BIK: variants seen among roughly 807,000 people sequenced by gnomAD.
BIK encodes bcl-2-interacting killer.
A neutral mutation model predicts 12.1 loss-of-function variants in BIK; 14 were observed. The observed-to-expected ratio is 1.16, with a 90% confidence interval of 0.77 to 1.81. The LOEUF (loss-of-function observed/expected upper bound fraction) is 1.81. Among genes scored for constraint, BIK ranks in the 40% most tolerant of loss-of-function variants. BIK has a pLI of 0.00. For missense variants in BIK, 215 were observed against 207.9 expected, an observed-to-expected ratio of 1.03 and a Z score of -0.21; for synonymous variants, 86 against 92.3, an observed-to-expected ratio of 0.93 and a Z score of 0.39.
intron 1 of BIK, among the ~76,000 whole-genome samples, chr22:43,114,160 A>G (rs1029921233): frequency 6.6e-6 from 1 of 152,200 alleles, no homozygotes; most frequent in Non-Finnish European, 1.5e-5. Flanking sequence ...CAGGCACTGC[A>G]TGGTAAACCT....
At chr22:43,112,308 C>T (rs55770470) in intron 1 of BIK, among the ~76,000 whole-genome samples, 4,871 of 152,202 alleles carry the variant, frequency 0.032, 118 homozygotes, top group Non-Finnish European at 0.047. Flanking sequence ...AAACGGTTCT[C>T]CTGCCTCAGC....
chr22:43,129,249 C>G lies in BIK; in HGVS notation c.427C>G (p.Leu143Val), dbSNP rs770618715. The stretch of plus-strand genomic sequence containing the variant: ...ACAGGTGCTGCTGGCGCTGCTGCTG[C>G]TGCTGGCGCTGCTGCTGCCGCTGCT... The part of the protein sequence containing the change: ...CEQVLLALLL[L>V]LALLLPLLSG... The change falls in exon 5 of 5, where the codon CTG (leucine) becomes GTG (valine). Residue 143 changes from leucine to valine, a missense_variant. By Grantham distance (32) the Leu-to-Val change is conservative (BLOSUM62 1). Transcript: ENST00000216115. The G allele has an allele frequency of 2.5e-6, 4 of 1,599,014 alleles. No homozygotes were observed. In the Admixed American group the frequency reaches 6.7e-5, roughly 27 times the overall value.
In BIK at chr22:43,129,622, C is replaced by T. The variant is rs540470135; in HGVS notation, c.*317C>T. On this transcript the variant is annotated 3_prime_UTR_variant, in exon 5 of 5. Transcript: ENST00000216115. Reference sequence around the variant, plus strand: ...GGTAGCAGGGGGAGTGCTGGTCACACCCCTGTGTGATATGTGATGCCCTCG... The same window carrying T: ...GGTAGCAGGGGGAGTGCTGGTCACATCCCTGTGTGATATGTGATGCCCTCG... 9.6e-6 allele frequency: 4 copies of T among 417,982 alleles called. No homozygotes were observed. Among genetic ancestry groups the T allele is most frequent in the Non-Finnish European group, 1.7e-5 (4 of 234,244 alleles). 25.9% of individuals were successfully genotyped at this position (417,982 alleles called of 1,614,324 possible).
chr22:43,119,034 G>A (rs1930170921), intron 1 of BIK, among the ~76,000 whole-genome samples: 1 of 151,876 alleles, frequency 6.6e-6, no homozygotes, highest in Non-Finnish European at 1.5e-5. Context: ...AATGTAGGCT[G>A]CTCTGTCCAG....
At chr22:43,127,360 C>T (rs573008528) in intron 2 of BIK, among the ~76,000 whole-genome samples, 1 of 152,224 alleles carries the variant, frequency 6.6e-6, no homozygotes, top group East Asian at 1.9e-4. Flanking sequence ...CCTTGGTCAG[C>T]CTCAGCCATC....
chr22:43,126,054 A>C (rs577968991), intron 2 of BIK, among the ~76,000 whole-genome samples: 63 of 148,880 alleles, frequency 4.2e-4, no homozygotes, highest in Admixed American at 1.8e-3. Flanking sequence ...TTTGAGACAG[A>C]GTCTCTGTCA....
intron 1 of BIK, among the ~76,000 whole-genome samples, chr22:43,116,414 C>G (rs765244497): frequency 3.9e-5 from 6 of 151,928 alleles, no homozygotes; most frequent in Non-Finnish European, 7.4e-5. Context: ...GTGCTGGGAG[C>G]CTCCAAAAGG....
Position 43,128,549 on chromosome 22 carries a change from G to A in BIK, c.314G>A (p.Arg105Lys), listed in dbSNP as rs779680873. 1.2e-6 allele frequency: 2 copies of A among 1,613,884 alleles called. No homozygotes were observed. Among genetic ancestry groups the A allele is most frequent in the Non-Finnish European group, 1.7e-6 (2 of 1,179,870 alleles). ...ACTGAGGACATCAGGGATGTTCTTA[G>A]AAGTTTCATGGACGGTTTCACCACA... ...DQTEDIRDVL[R>K]SFMDGFTTLK... Residue 105 changes from arginine (R) to lysine (K), a missense_variant, in exon 4 of 5, where the codon AGA becomes AAA. Transcript: ENST00000216115.
At chr22:43,121,194 A>G (rs908324345) in intron 1 of BIK, among the ~76,000 whole-genome samples, 17 of 152,028 alleles carry the variant, frequency 1.1e-4, no homozygotes, top group Non-Finnish European at 7.4e-5. Context: ...AAACAAACAA[A>G]CAAAAAAACA....
intron 1 of BIK, among the ~76,000 whole-genome samples, chr22:43,113,746 C>T (rs1930056535): frequency 6.6e-6 from 1 of 152,216 alleles, no homozygotes; most frequent in Non-Finnish European, 1.5e-5. Flanking sequence ...GGAAAGCATC[C>T]TGTTTTTAGT....
rs866208176 is a variant in BIK at position 43,123,956 on chromosome 22, G to C, written c.-7-60G>C. ...ATACAATCTGGGGGTCATCCTGTGA[G>C]AGAGCCCCCAGACTGCTCAGTTCTT... On this transcript the variant is annotated intron_variant, in intron 1 of 4. Coordinates refer to ENST00000216115, the MANE Select transcript of BIK (RefSeq NM_001197.5). The C allele has an allele frequency of 2.9e-5, 45 of 1,567,576 alleles. No homozygotes were observed. The Middle Eastern group carries it at 9.5e-4, about 33-fold the overall frequency.
intron 1 of BIK, among the ~76,000 whole-genome samples, chr22:43,113,208 G>C (rs955811711): frequency 7.2e-5 from 11 of 152,044 alleles, no homozygotes; most frequent in African/African-American, 2.7e-4. Flanking sequence ...TCTGTCAAAA[G>C]AAAATTTAAA....
chr22:43,125,557 T>G lies in BIK; in HGVS notation c.161+1374T>G, dbSNP rs1331418876. Among the ~76,000 whole-genome samples, 3 of 127,478 alleles carry G rather than the reference T, an allele frequency of 2.4e-5. No homozygotes were observed. The East Asian group carries it at 8.2e-4, about 35-fold the overall frequency. The allele number at this position is 127,478 out of a possible 152,430, so 83.6% of individuals were successfully genotyped here. The stretch of plus-strand genomic sequence containing the variant: ...CCAACCTCTACTAAAAATACAAATG[T>G]TACCCAGGTATGGGGCCGGGGGTGG... On this transcript the variant is annotated intron_variant, in intron 2 of 4. Transcript: ENST00000216115.
chr22:43,121,427 T>G (rs1347439228), intron 1 of BIK, among the ~76,000 whole-genome samples: 1 of 152,092 alleles, frequency 6.6e-6, no homozygotes, highest in African/African-American at 2.4e-5. Context: ...CGCAGCCCAC[T>G]CTGGTGGCTG....
chr22:43,113,527 G>C (rs957434001), intron 1 of BIK, among the ~76,000 whole-genome samples: 4 of 152,044 alleles, frequency 2.6e-5, no homozygotes, highest in Admixed American at 2.6e-4. Flanking sequence ...ACTCAGCCTG[G>C]GCTAACGTGA....
At chr22:43,127,947 C>A in intron 3 of BIK, 152 bp downstream of exon 3, 1 of 772,162 alleles carries the variant, frequency 1.3e-6, no homozygotes, top group Non-Finnish European at 2.0e-6. Context: ...TGGCTGCTTC[C>A]CGCACCTCTC....
At chr22:43,121,946 G>C (rs1342662104) in intron 1 of BIK, among the ~76,000 whole-genome samples, 1 of 152,318 alleles carries the variant, frequency 6.6e-6, no homozygotes, top group African/African-American at 2.4e-5. Context: ...GGCCAGGCTG[G>C]TCTCAAACTC....
chr22:43,127,648 T>C (rs1930343367), intron 2 of BIK, 49 bp from the exon 3 acceptor site: 1 of 1,499,634 alleles, frequency 6.7e-7, no homozygotes, highest in Non-Finnish European at 9.0e-7. Flanking sequence ...CAGGTGCATG[T>C]GGCCTCCACG....
In BIK at chr22:43,129,244, T is replaced by A; in HGVS notation, c.422T>A (p.Leu141Gln). The A allele has an allele frequency of 1.3e-6, 2 of 1,584,126 alleles. No individual in the cohort carries two copies. Among genetic ancestry groups the A allele is most frequent in the Non-Finnish European group, 1.7e-6 (2 of 1,169,600 alleles). Residue 141 changes from leucine to glutamine, a missense_variant, in exon 5 of 5, where the codon CTG (leucine) becomes CAG (glutamine). Physicochemically the swap from Leu to Gln is moderately radical, Grantham distance 113. Transcript: ENST00000216115. ...TGCGAACAGGTGCTGCTGGCGCTGC[T>A]GCTGCTGCTGGCGCTGCTGCTGCCG... is the stretch of plus-strand genomic sequence containing the variant. The part of the protein sequence containing the change: ...VSCEQVLLAL[L>Q]LLLALLLPLL...
Sources: allele counts gnomAD v4.1 joint callset (sites outside exome capture counted in the v4.1 genomes callset), GRCh38; gene constraint gnomAD v4.1.1; transcripts MANE v1.5; gene names NCBI Gene and HGNC (gene_info 2026-07-23, HGNC 2026-07-21).